The following FRK variants were observed in gnomAD, a reference collection of about 807,000 sequenced individuals.
FRK encodes the protein tyrosine-protein kinase FRK.
In FRK, 51 loss-of-function variants were observed where a neutral mutation model predicts 56.4. That is an observed-to-expected ratio of 0.90 (90% confidence interval 0.72 to 1.14). The LOEUF (loss-of-function observed/expected upper bound fraction) is 1.14, where lower values mean the gene tolerates loss of function less well. FRK is among the 50% of genes most tolerant of loss of function. FRK has a pLI of 0.00. For missense variants in FRK, 570 were observed against 601.4 expected, an observed-to-expected ratio of 0.95 and a Z score of 0.55; for synonymous variants, 245 against 217.9, an observed-to-expected ratio of 1.12 and a Z score of -1.10.
At position 115,935,650 on chromosome 6, in the gene FRK, G is replaced by A. The variant is rs1315641856; in HGVS notation, c.*6764C>T. ...AGTCTGAGGTCGACCTGGGACACTC[G>A]AGCTTGGAGGGAGGAGGGCCGTCTG... On this transcript the variant is annotated 3_prime_UTR_variant, in exon 8 of 8. Transcript: ENST00000606080. 1 of 152,286 alleles carries A rather than the reference G, an allele frequency of 6.6e-6. No individual in the cohort carries two copies. Among genetic ancestry groups the A allele is most frequent in the Non-Finnish European group, 1.5e-5 (1 of 68,150 alleles). The allele number at this position is 152,286 out of a possible 1,614,324, so 9.4% of individuals were successfully genotyped here. A position where few individuals can be genotyped will look rare whatever the true frequency, so the allele number is the denominator to read the frequency against.
rs1400466948 is a variant in FRK, at chr6:115,939,569, T to G, written c.*2845A>C. 3 of 152,200 alleles carry G rather than the reference T, an allele frequency of 2.0e-5. No homozygotes were observed. The highest frequency in any genetic ancestry group is 2.0e-4 in the Admixed American group (3 of 15,278). The allele number at this position is 152,200 out of a possible 1,614,324, so 9.4% of individuals were successfully genotyped here. Reference sequence around the variant, plus strand: ...CTCTGTTTGCAGATGATATGAATTGTATATATAGGGAACCCCACCATCTCA... The same window carrying G: ...CTCTGTTTGCAGATGATATGAATTGGATATATAGGGAACCCCACCATCTCA... On this transcript the variant is annotated 3_prime_UTR_variant, in exon 8 of 8. Transcript: ENST00000606080.
chr6:116,051,964 GT>G (rs1181942638), intron 1 of FRK, among the ~76,000 whole-genome samples: 2 of 152,094 alleles, frequency 1.3e-5, no homozygotes, highest in South Asian at 2.1e-4. Flanking sequence ...GAAATTACAA[GT>G]CTGGCCCCAC....
intron 2 of FRK, among the ~76,000 whole-genome samples, chr6:115,977,990 T>G (rs1774048396): frequency 6.6e-6 from 1 of 152,138 alleles, no homozygotes; most frequent in Admixed American, 6.6e-5. Context: ...AAATTACAAT[T>G]TCCCATGAAA....
Position 115,967,647 on chromosome 6 carries a change from G to A in FRK, c.703C>T (p.Gln235Ter). 1 of 1,613,534 alleles carries A rather than the reference G, an allele frequency of 6.2e-7. No individual in the cohort carries two copies. Among genetic ancestry groups the A allele is most frequent in the African/African-American group, 1.3e-5 (1 of 74,920 alleles). Residue 235 changes from glutamine to a stop codon, truncating the protein, a stop_gained, in exon 4 of 8, where the codon CAG becomes TAG. Coordinates refer to ENST00000606080, the MANE Select transcript of FRK (RefSeq NM_002031.3). LOFTEE classifies it high-confidence loss of function. ...CCAGATCCCAATCGCTTCAGAAGCTGTATGGAGTTGCGGTCTATCTCCCAT... is the reference window on the plus strand; with the variant it reads ...CCAGATCCCAATCGCTTCAGAAGCTATATGGAGTTGCGGTCTATCTCCCAT... The part of the protein sequence containing the change: ...DQWEIDRNSI[Q>*]LLKRLGSGQF...
intron 1 of FRK, among the ~76,000 whole-genome samples, chr6:116,014,551 G>A (rs1366144297): frequency 2.0e-5 from 3 of 151,452 alleles, no homozygotes; most frequent in Admixed American, 1.3e-4. Flanking sequence ...GAACAGCAGT[G>A]GTCAGGGAAA....
the FRK span, among the ~76,000 whole-genome samples, chr6:116,068,985 A>G: frequency 6.6e-6 from 1 of 152,186 alleles, no homozygotes; most frequent in Non-Finnish European, 1.5e-5. Context: ...TGCTTTCCAA[A>G]AAGACTGAAT....
At chr6:116,072,064 G>A in the FRK span, among the ~76,000 whole-genome samples, 1 of 152,146 alleles carries the variant, frequency 6.6e-6, no homozygotes, top group African/African-American at 2.4e-5. Context: ...AACCTAAATA[G>A]AATTTGTGAA....
intron 2 of FRK, among the ~76,000 whole-genome samples, chr6:115,976,285 T>A (rs1489582328): frequency 6.6e-6 from 1 of 152,126 alleles, no homozygotes; most frequent in Non-Finnish European, 1.5e-5. Flanking sequence ...TTCAAAGAAC[T>A]CTGCCCCAAT....
At chr6:115,990,876 T>A (rs1582686853) in intron 2 of FRK, among the ~76,000 whole-genome samples, 2 of 152,078 alleles carry the variant, frequency 1.3e-5, no homozygotes, top group East Asian at 3.9e-4. Context: ...ATAGTCATTT[T>A]AATGATATTA....
the FRK span, among the ~76,000 whole-genome samples, chr6:116,098,835 A>G: frequency 6.6e-6 from 1 of 152,206 alleles, no homozygotes; most frequent in African/African-American, 2.4e-5. Context: ...TATGTAGGGA[A>G]TGGGAGAAGA....
the FRK span, among the ~76,000 whole-genome samples, chr6:116,098,927 G>A: frequency 2.6e-5 from 4 of 152,194 alleles, no homozygotes; most frequent in Non-Finnish European, 5.9e-5. Context: ...GCTCAAGAAA[G>A]AGTACAAGCC....
At chr6:116,054,593 C>A (rs1397019381) in intron 1 of FRK, among the ~76,000 whole-genome samples, 1 of 145,616 alleles carries the variant, frequency 6.9e-6, no homozygotes, top group Admixed American at 6.9e-5. Context: ...TATATAAATA[C>A]CTTTTTATTT....
chr6:115,953,211 A>C (rs1772848624), intron 5 of FRK, among the ~76,000 whole-genome samples: 1 of 45,006 alleles, frequency 2.2e-5, no homozygotes, highest in Non-Finnish European at 4.0e-5. Context: ...TTTTTTTGAG[A>C]CGGAGTCTCG....
chr6:116,079,380 G>C, the FRK span, among the ~76,000 whole-genome samples: 2 of 149,312 alleles, frequency 1.3e-5, no homozygotes, highest in East Asian at 1.9e-4. Flanking sequence ...CAGGTCTTTT[G>C]CCTATTTCTG....
At chr6:116,066,197 G>A in the FRK span, among the ~76,000 whole-genome samples, 1 of 152,198 alleles carries the variant, frequency 6.6e-6, no homozygotes, top group Non-Finnish European at 1.5e-5. Flanking sequence ...TCACCTAATC[G>A]GCTGCCAGCA....
intron 5 of FRK, among the ~76,000 whole-genome samples, chr6:115,955,300 A>G (rs1159591969): frequency 6.6e-6 from 1 of 152,126 alleles, no homozygotes; most frequent in Non-Finnish European, 1.5e-5. Flanking sequence ...GAAAGCATCT[A>G]TTGAATTAAA....
chr6:116,046,784 A>T (rs971130526), intron 1 of FRK, among the ~76,000 whole-genome samples: 7 of 144,332 alleles, frequency 4.8e-5, no homozygotes, highest in Admixed American at 2.7e-4. Flanking sequence ...GTATAATAAT[A>T]AGAAGAAGAA....
chr6:116,032,530 C>A (rs373509405), intron 1 of FRK, among the ~76,000 whole-genome samples: 155 of 152,192 alleles, frequency 1.0e-3, no homozygotes, highest in African/African-American at 3.5e-3. Context: ...GAAGAGAAAT[C>A]TTTAACAAAC....
chr6:115,968,884 G>T, intron 2 of FRK, 145 bp from the exon 3 acceptor site: 1 of 711,322 alleles, frequency 1.4e-6, no homozygotes. Context: ...AAAGATTTAA[G>T]AAAGTTTACA....
Sources: allele counts gnomAD v4.1 joint callset (sites outside exome capture counted in the v4.1 genomes callset), GRCh38; gene constraint gnomAD v4.1.1; transcripts MANE v1.5; gene names NCBI Gene and HGNC (gene_info 2026-07-23, HGNC 2026-07-21).